Variants in CDC42SE2 observed in about 807,000 individuals in gnomAD.
CDC42SE2 encodes the protein CDC42 small effector 2.
Under a neutral mutation model 11.5 loss-of-function variants are expected in CDC42SE2, and 3 were observed. The ratio of observed to expected loss-of-function variants is 0.26; its 90% confidence interval spans 0.12 to 0.67. The LOEUF (loss-of-function observed/expected upper bound fraction) is 0.67, where lower values mean the gene tolerates loss of function less well. Among genes scored for constraint, CDC42SE2 ranks in the 30% least tolerant of loss-of-function variants. CDC42SE2 has a pLI of 0.80. For missense variants in CDC42SE2, 82 were observed against 106.8 expected (o/e 0.77, Z 1.02); for synonymous variants, 33 against 34.8 (o/e 0.95, Z 0.18).
At chr5:131,368,498 G>A (rs1749927148) in intron 3 of CDC42SE2, among the ~76,000 whole-genome samples, 1 of 152,110 alleles carries the variant, frequency 6.6e-6, no homozygotes, top group Admixed American at 6.5e-5. Flanking sequence ...CTTAGTCCTT[G>A]ACTATTACAG....
Position 131,365,294 on chromosome 5 carries a change from C to CA in CDC42SE2, c.54+5759dup, listed in dbSNP as rs1237089766. ...TGGGCCACAGAGTGAGACTCTGTCT[C>CA]AAAAAAAAAAAAGAAAACATCAAAG... On this transcript the variant is annotated intron_variant, in intron 3 of 4. Coordinates refer to ENST00000505065, the MANE Select transcript of CDC42SE2 (RefSeq NM_001375635.1). Among the ~76,000 whole-genome samples, 714 of 133,072 alleles carry CA rather than the reference C, an allele frequency of 5.4e-3. 5 individuals are homozygous for CA. Among genetic ancestry groups the CA allele is most frequent in the African/African-American group, 0.012 (429 of 36,008 alleles). 87.3% of individuals were successfully genotyped at this position (133,072 alleles called of 152,430 possible).
At chr5:131,342,009 C>T (rs767875835) in intron 2 of CDC42SE2, among the ~76,000 whole-genome samples, 30 of 152,124 alleles carry the variant, frequency 2.0e-4, no homozygotes, top group Admixed American at 8.5e-4. Flanking sequence ...ACGCTGGGCA[C>T]GGTGGCTCAT....
chr5:131,379,467 T>C (rs1750256539), intron 3 of CDC42SE2, among the ~76,000 whole-genome samples: 2 of 152,194 alleles, frequency 1.3e-5, no homozygotes, highest in South Asian at 4.1e-4. Flanking sequence ...GTGAGGGAGG[T>C]AGATATAGTA....
chr5:131,358,794 T>C (rs1278523956), intron 2 of CDC42SE2, among the ~76,000 whole-genome samples: 1 of 152,204 alleles, frequency 6.6e-6, no homozygotes, highest in East Asian at 1.9e-4. Flanking sequence ...TTAGAATTCA[T>C]TGCTGTGTCA....
chr5:131,267,076 A>G (rs1485137859), intron 1 of CDC42SE2, among the ~76,000 whole-genome samples: 52 of 147,898 alleles, frequency 3.5e-4, no homozygotes, highest in Non-Finnish European at 5.4e-4. Context: ...TTTTTTTTGA[A>G]ACGGAGTCTT....
chr5:131,350,745 C>G (rs969908432), intron 2 of CDC42SE2, among the ~76,000 whole-genome samples: 1 of 151,538 alleles, frequency 6.6e-6, no homozygotes, highest in Non-Finnish European at 1.5e-5. Flanking sequence ...TAGAAATTAA[C>G]AAGCTGATTC....
At chr5:131,222,748 G>A in the CDC42SE2 span, among the ~76,000 whole-genome samples, 9 of 152,186 alleles carry the variant, frequency 5.9e-5, no homozygotes, top group African/African-American at 2.2e-4. Context: ...ATATGCATTG[G>A]TGTGGACACA....
chr5:131,332,267 T>C (rs1758435748), intron 2 of CDC42SE2, among the ~76,000 whole-genome samples: 1 of 152,216 alleles, frequency 6.6e-6, no homozygotes, highest in Non-Finnish European at 1.5e-5. Flanking sequence ...GGTTTCCAGC[T>C]TCATCCATGT....
In CDC42SE2 at chr5:131,390,629, G is replaced by A. The variant is rs543312458; in HGVS notation, c.157-364G>A. The stretch of plus-strand genomic sequence containing the variant: ...GGTGGAGGTTGCAGTGAGCTGAGAT[G>A]ACGCCAGTGCACTCCAGCCTGGGCA... On this transcript the variant is annotated intron_variant, in intron 4 of 4. Transcript: ENST00000505065. 6.8e-4 allele frequency among the ~76,000 whole-genome samples: 103 copies of A among 152,032 alleles called. 1 individual carries two copies. Among genetic ancestry groups the A allele is most frequent in the African/African-American group, 2.4e-3 (98 of 41,472 alleles).
At chr5:131,312,237 C>T (rs1178310568) in intron 1 of CDC42SE2, among the ~76,000 whole-genome samples, 3 of 151,684 alleles carry the variant, frequency 2.0e-5, no homozygotes, top group South Asian at 2.1e-4. Context: ...CTGGGGGGTG[C>T]CTCCCAGTTA....
intron 3 of CDC42SE2, among the ~76,000 whole-genome samples, chr5:131,363,266 GAAA>G (rs35198617): frequency 7.2e-6 from 1 of 138,980 alleles, no homozygotes; most frequent in African/African-American, 2.5e-5. Context: ...CTGATTTACA[GAAA>G]AAAAAAAAAA....
the CDC42SE2 span, among the ~76,000 whole-genome samples, chr5:131,236,479 T>A: frequency 6.6e-6 from 1 of 152,104 alleles, no homozygotes; most frequent in East Asian, 1.9e-4. Flanking sequence ...CAGGCTGGAG[T>A]GCAGTGGCAT....
chr5:131,367,728 CTTTG>C (rs915953375), intron 3 of CDC42SE2, among the ~76,000 whole-genome samples: 2 of 152,012 alleles, frequency 1.3e-5, no homozygotes, highest in African/African-American at 4.8e-5. Flanking sequence ...AATACAAATT[CTTTG>C]TTGGTTATGT....
At chr5:131,265,153 A>G (rs1174760667) in intron 1 of CDC42SE2, among the ~76,000 whole-genome samples, 1 of 152,080 alleles carries the variant, frequency 6.6e-6, no homozygotes, top group Non-Finnish European at 1.5e-5. Context: ...TTTTTGTCCC[A>G]CATAACATAC....
At chr5:131,312,813 C>T (rs535425984) in intron 1 of CDC42SE2, among the ~76,000 whole-genome samples, 6 of 152,176 alleles carry the variant, frequency 3.9e-5, no homozygotes, top group Admixed American at 1.3e-4. Flanking sequence ...AAACGGTGTG[C>T]GCACCCACTG....
the CDC42SE2 span, among the ~76,000 whole-genome samples, chr5:131,217,421 T>G: frequency 1.3e-5 from 2 of 152,258 alleles, no homozygotes; most frequent in Non-Finnish European, 2.9e-5. Context: ...ATAATTCTGC[T>G]TTTAAAGGCT....
chr5:131,315,570 C>T (rs901680105), intron 1 of CDC42SE2, among the ~76,000 whole-genome samples: 4 of 152,154 alleles, frequency 2.6e-5, no homozygotes, highest in African/African-American at 9.7e-5. Context: ...AAGATTGTTT[C>T]CATATGGGAA....
chr5:131,210,740 C>G, the CDC42SE2 span, among the ~76,000 whole-genome samples: 1 of 152,190 alleles, frequency 6.6e-6, no homozygotes, highest in Admixed American at 6.5e-5. Context: ...TTATCCCACT[C>G]AACACTTGGT....
At chr5:131,321,334 C>T (rs1288636693) in intron 2 of CDC42SE2, among the ~76,000 whole-genome samples, 1 of 152,096 alleles carries the variant, frequency 6.6e-6, no homozygotes, top group Non-Finnish European at 1.5e-5. Flanking sequence ...ACAAATGCAG[C>T]CTTTAAAACT....
Sources: allele counts gnomAD v4.1 joint callset (sites outside exome capture counted in the v4.1 genomes callset), GRCh38; gene constraint gnomAD v4.1.1; transcripts MANE v1.5; gene names NCBI Gene and HGNC (gene_info 2026-07-23, HGNC 2026-07-21).